Variants in DOCK8 observed in about 807,000 individuals in gnomAD.
The protein encoded by DOCK8 is dedicator of cytokinesis protein 8.
DOCK8 carries 141 observed loss-of-function variants against 245.6 expected under a neutral mutation model. That is an observed-to-expected ratio of 0.57 (90% CI 0.50 to 0.66). The LOEUF (loss-of-function observed/expected upper bound fraction) is 0.66, where lower values mean the gene tolerates loss of function less well. Among genes scored for constraint, DOCK8 ranks in the 30% least tolerant of loss-of-function variants. The pLI, the probability that DOCK8 is intolerant of heterozygous loss-of-function variation, is 0.00. For missense variants in DOCK8, 2,965 were observed against 2,603.4 expected, an observed-to-expected ratio of 1.14 and a Z score of -3.02; for synonymous variants, 1,168 against 970.2, an observed-to-expected ratio of 1.20 and a Z score of -3.79.
At chr9:356,619 T>G (rs1268747470) in intron 14 of DOCK8, among the ~76,000 whole-genome samples, 7 of 152,026 alleles carry the variant, frequency 4.6e-5, no homozygotes. Flanking sequence ...AGCATCCAGA[T>G]CTTCCCCAAA....
chr9:396,799 C>T lies in DOCK8; in HGVS notation c.2985C>T (p.Ala995=). 5 of 1,614,124 alleles carry T rather than the reference C, an allele frequency of 3.1e-6. No individual in the cohort carries two copies. Among genetic ancestry groups the T allele is most frequent in the Non-Finnish European group, 4.2e-6 (5 of 1,180,032 alleles). The change falls in exon 25 of 48, where the codon GCC becomes GCT. Residue 995 remains alanine (A), a synonymous_variant. Transcript: ENST00000432829. ...FFFELLVKSM[A]QHVHNMDKRD... ...CCCCTCCGCAGGTGAAAAGCATGGCCCAGCACGTACATAACATGGACAAAC... is the reference window on the plus strand; with the variant it reads ...CCCCTCCGCAGGTGAAAAGCATGGCTCAGCACGTACATAACATGGACAAAC...
intron 29 of DOCK8, among the ~76,000 whole-genome samples, chr9:415,239 C>T (rs898683722): frequency 3.3e-5 from 5 of 152,160 alleles, no homozygotes; most frequent in East Asian, 1.9e-4. Context: ...ATAAACCATA[C>T]ACCACAAAGG....
Position 446,372 on chromosome 9 carries a change from C to G in DOCK8, c.5583C>G (p.Ala1861=), listed in dbSNP as rs2057260542. 1.2e-6 allele frequency: 2 copies of G among 1,613,890 alleles called. No homozygotes were observed. The highest frequency in any genetic ancestry group is 1.7e-6 in the Non-Finnish European group (2 of 1,179,758). The change falls in exon 44 of 48, where the codon GCC becomes GCG. Residue 1861 remains alanine, a splice_region_variant and synonymous_variant. Coordinates refer to ENST00000432829, the MANE Select transcript of DOCK8 (RefSeq NM_203447.4). ...CCTCCGTGCCTTTTCCCCCTTAGGC[C>G]TACATACAGATCACTTTTGTGGAGC... is the stretch of plus-strand genomic sequence containing the variant. ...VDKTKLDPNK[A]YIQITFVEPY... is the part of the protein sequence containing the mutation.
chr9:287,520 C>A (rs2048871176), intron 3 of DOCK8, among the ~76,000 whole-genome samples: 1 of 152,194 alleles, frequency 6.6e-6, no homozygotes, highest in South Asian at 2.1e-4. Context: ...CCTCTTTACT[C>A]TGAGATATTC....
At chr9:400,036 A>ACCT (rs1564011717) in intron 26 of DOCK8, among the ~76,000 whole-genome samples, 43 of 128,440 alleles carry the variant, frequency 3.3e-4, no homozygotes, top group Non-Finnish European at 5.0e-4. Flanking sequence ...CACCATCACC[A>ACCT]CCACCACCTC....
intron 35 of DOCK8, among the ~76,000 whole-genome samples, 158 bp downstream of exon 35, chr9:428,654 A>G (rs2056591149): frequency 1.3e-5 from 2 of 152,220 alleles, no homozygotes; most frequent in Non-Finnish European, 2.9e-5. Context: ...AGATGCCCTG[A>G]TTCTGTGGGA....
Position 309,764 on chromosome 9 carries a change from C to T in DOCK8, c.529-2190C>T, listed in dbSNP as rs2050015998. On this transcript the variant is annotated intron_variant, in intron 5 of 47. Transcript: ENST00000432829. ...CCCACATCGACCTTTGGAAGCATAA[C>T]ATTCAGCTTTGGTGTCTATACACAA... 2.6e-5 allele frequency among the ~76,000 whole-genome samples: 4 copies of T among 152,318 alleles called. No homozygotes were observed. In the South Asian group the frequency reaches 8.3e-4, roughly 32 times the overall value.
At chr9:293,979 GT>G (rs2049152391) in intron 4 of DOCK8, among the ~76,000 whole-genome samples, 1 of 152,108 alleles carries the variant, frequency 6.6e-6, no homozygotes, top group Admixed American at 6.6e-5. Context: ...TCTTCACTGC[GT>G]AAAGCCCAGC....
intron 22 of DOCK8, among the ~76,000 whole-genome samples, chr9:384,353 TA>T (rs1240838244): frequency 1.3e-5 from 2 of 152,232 alleles, no homozygotes; most frequent in Non-Finnish European, 2.9e-5. Flanking sequence ...GCCGAGCTAT[TA>T]GAGTAATATC....
At chr9:397,867 T>C (rs766182412) in intron 25 of DOCK8, among the ~76,000 whole-genome samples, 1 of 152,204 alleles carries the variant, frequency 6.6e-6, no homozygotes, top group Non-Finnish European at 1.5e-5. Context: ...TTGATAAGCT[T>C]CGTTAAAGGG....
Position 396,934 on chromosome 9 carries a change from G to A in DOCK8, c.3120G>A (p.Lys1040=). The change falls in exon 25 of 48, where the codon AAG becomes AAA. Residue 1040 remains lysine (K), a splice_region_variant and synonymous_variant. Transcript: ENST00000432829. ...CAGCCCTTTTAGTAAAACCACAGAA[G>A]GTAACTGTATTTTACTCTTTATTTT... ...EIAALLVKPQ[K]ENEQAEKMNI... 6.2e-7 allele frequency: 1 copy of A among 1,613,488 alleles called. No individual in the cohort carries two copies. Among genetic ancestry groups the A allele is most frequent in the Non-Finnish European group, 8.5e-7 (1 of 1,179,618 alleles).
At chr9:357,234 T>TATGTGA (rs2052488432) in intron 14 of DOCK8, among the ~76,000 whole-genome samples, 1 of 152,242 alleles carries the variant, frequency 6.6e-6, no homozygotes, top group Non-Finnish European at 1.5e-5. Context: ...GAGATTAATG[T>TATGTGA]AATAGAAAAG....
At chr9:295,561 A>G (rs777892560) in intron 4 of DOCK8, among the ~76,000 whole-genome samples, 1 of 152,320 alleles carries the variant, frequency 6.6e-6, no homozygotes, top group East Asian at 1.9e-4. Context: ...CATATATTGA[A>G]CGCACCATGG....
At chr9:241,563 A>G (rs559214688) in intron 1 of DOCK8, among the ~76,000 whole-genome samples, 5 of 152,208 alleles carry the variant, frequency 3.3e-5, no homozygotes, top group South Asian at 4.2e-4. Context: ...ACAGGATTTC[A>G]TTTTTTAATG....
intron 15 of DOCK8, 97 bp from the exon 16 acceptor site, chr9:370,133 G>T: frequency 1.9e-6 from 2 of 1,060,808 alleles, no homozygotes; most frequent in South Asian, 1.3e-5. Context: ...ACAAAATGCA[G>T]CTCTATGAGA....
At chr9:296,267 T>A in intron 4 of DOCK8, among the ~76,000 whole-genome samples, 1 of 152,224 alleles carries the variant, frequency 6.6e-6, no homozygotes, top group East Asian at 1.9e-4. Context: ...ATCCTTTGGG[T>A]GATATTAACG....
At chr9:448,269 C>T (rs4741957) in intron 44 of DOCK8, among the ~76,000 whole-genome samples, 90,105 of 151,994 alleles carry the variant, frequency 0.59, 29,868 homozygotes, top group East Asian at 0.99. Context: ...ATTAAAAATA[C>T]AGAGAGATAT....
At chr9:368,547 G>A (rs2053127389) in intron 15 of DOCK8, 6 of 443,756 alleles carry the variant, frequency 1.4e-5, no homozygotes, top group South Asian at 3.3e-5. Flanking sequence ...CTCAAGCCTC[G>A]GACCACAGTG....
chr9:403,864 C>CTGTCTCTCTG (rs778992128), intron 26 of DOCK8, among the ~76,000 whole-genome samples: 55 of 83,884 alleles, frequency 6.6e-4, no homozygotes, highest in Non-Finnish European at 7.2e-4. Flanking sequence ...CTGTATCTCT[C>CTGTCTCTCTG]TCTCTCTCTC....
Sources: gnomAD v4.1 joint callset for allele counts (sites outside exome capture counted in the v4.1 genomes callset) on GRCh38, gnomAD v4.1.1 for gene constraint, MANE v1.5 for transcripts, NCBI Gene and HGNC (gene_info 2026-07-23, HGNC 2026-07-21) for gene names.